The following HSP90AA1 variants were observed in gnomAD, a reference collection of about 807,000 sequenced individuals.
HSP90AA1 encodes the protein heat shock protein HSP 90-alpha.
A neutral mutation model predicts 73.3 loss-of-function variants in HSP90AA1; 18 were observed. The ratio of observed to expected loss-of-function variants is 0.25; its 90% CI spans 0.17 to 0.36. The LOEUF (loss-of-function observed/expected upper bound fraction) is 0.36, where lower values mean the gene tolerates loss of function less well. Ranked by LOEUF, HSP90AA1 falls within the 10% of genes least tolerant of loss-of-function variation. HSP90AA1 has a pLI of 1.00. For synonymous variants in HSP90AA1, 477 were observed against 296.9 expected (o/e 1.61, Z -6.24); for missense variants, 704 against 874.2 (o/e 0.81, Z 2.45).
upstream of HSP90AA1, among the ~76,000 whole-genome samples, chr14:102,088,809 A>T (rs565680525): frequency 4.6e-5 from 7 of 152,212 alleles, no homozygotes; most frequent in East Asian, 1.4e-3. Context: ...CCTCACTTGT[A>T]GGAACTTTTC....
upstream of HSP90AA1, among the ~76,000 whole-genome samples, chr14:102,090,035 C>T (rs567305103): frequency 1.4e-4 from 21 of 152,240 alleles, no homozygotes; most frequent in East Asian, 2.9e-3. Context: ...TCCCATCCTT[C>T]TAGGAGGAAG....
intron 2 of HSP90AA1, among the ~76,000 whole-genome samples, chr14:102,101,030 G>A (rs911810712): frequency 2.0e-5 from 3 of 152,116 alleles, no homozygotes; most frequent in East Asian, 1.9e-4. Flanking sequence ...ACCACGTGCT[G>A]GACACAGCCG....
chr14:102,083,665 C>T lies in HSP90AA1; in HGVS notation c.1367G>A (p.Arg456Gln). 1 of 1,612,884 alleles carries T rather than the reference C, an allele frequency of 6.2e-7. No individual in the cohort carries two copies. Among genetic ancestry groups the T allele is most frequent in the Non-Finnish European group, 8.5e-7 (1 of 1,179,646 alleles). ...KLGIHEDSQN[R>Q]KKLSELLRYY... ...CCTTAACAGCTCTGAAAGCTTCTTC[C>T]GATTTTGAGAGTCTTCGTGTATTCC... The change falls in exon 8 of 11, where the codon CGG becomes CAG. Residue 456 changes from arginine (R) to glutamine (Q), a missense_variant. Arg to Gln is a conservative substitution (Grantham distance 43). Coordinates refer to ENST00000216281, the MANE Select transcript of HSP90AA1 (RefSeq NM_005348.4).
chr14:102,138,672 G>A (rs1203262374), intron 1 of HSP90AA1, among the ~76,000 whole-genome samples: 2 of 151,946 alleles, frequency 1.3e-5, no homozygotes, highest in Non-Finnish European at 2.9e-5. Context: ...CTTCTTTTGT[G>A]CCCCTCCAGA....
chr14:102,139,192 C>T (rs1595692240), intron 1 of HSP90AA1: 4 of 1,596,770 alleles, frequency 2.5e-6, no homozygotes, highest in South Asian at 1.1e-5. Flanking sequence ...ATTCTTCTCT[C>T]CCCCTACCCC....
In HSP90AA1 at chr14:102,120,853, G is replaced by A. The variant is rs145078791; in HGVS notation, c.155+18397C>T. Among the ~76,000 whole-genome samples the A allele has an allele frequency of 1.6e-4, 25 of 151,806 alleles. 1 individual carries two copies. The East Asian group carries it at 2.7e-3, about 17-fold the overall frequency. On this transcript the variant is annotated intron_variant, in intron 1 of 11. Transcript: ENST00000334701. The stretch of plus-strand genomic sequence containing the variant: ...CTCAGGAGGCAGAGGCAGGAGGATC[G>A]CTTGAACTCAGGAGGTGGAAGTTGC...
upstream of HSP90AA1, among the ~76,000 whole-genome samples, chr14:102,089,518 T>G (rs550803378): frequency 2.0e-5 from 3 of 152,200 alleles, no homozygotes; most frequent in Non-Finnish European, 4.4e-5. Context: ...GGCTGTTCCT[T>G]CTCTCTTCTC....
chr14:102,083,847 C>T lies in HSP90AA1; in HGVS notation c.1284G>A (p.Ala428=), dbSNP rs113261380. Residue 428 remains alanine (A), a synonymous_variant, in exon 7 of 11, where the codon GCG becomes GCA. Coordinates refer to ENST00000216281, the MANE Select transcript of HSP90AA1 (RefSeq NM_005348.4). ...ATTTCTTGTAGTTCTCTTTATCTTC[C>T]GCCAGTTCAGTAAAGAGTTCTAAGC... ...KKCLELFTEL[A]EDKENYKKFY... is the part of the protein sequence containing the mutation. 2.2e-3 allele frequency: 3,540 copies of T among 1,613,714 alleles called. 64 individuals carry two copies. In the African/African-American group the frequency reaches 0.038, roughly 17 times the overall value.
Position 102,083,126 on chromosome 14 carries a change from C to T in HSP90AA1, c.1663G>A (p.Glu555Lys). The T allele has an allele frequency of 1.9e-6, 3 of 1,613,912 alleles. No homozygotes were observed. Among genetic ancestry groups the T allele is most frequent in the Non-Finnish European group, 1.7e-6 (2 of 1,179,848 alleles). ...TCTTCCTGCTTCTTTTTCTCTTCTT[C>T]ATCCTCTGGAAGTTCCAGGCCTTCT... ...TKEGLELPED[E>K]EEKKKQEEKK... The change falls in exon 9 of 11, where the codon GAA (glutamate) becomes AAA (lysine). Residue 555 changes from glutamate (E) to lysine (K), a missense_variant. Transcript: ENST00000216281.
At chr14:102,099,341 C>T (rs2049464556) in intron 2 of HSP90AA1, among the ~76,000 whole-genome samples, 1 of 152,068 alleles carries the variant, frequency 6.6e-6, no homozygotes, top group Non-Finnish European at 1.5e-5. Context: ...TGCAGATCAC[C>T]TGAGGTCAAG....
chr14:102,087,776 A>C (rs956742298), upstream of HSP90AA1, among the ~76,000 whole-genome samples: 4 of 152,098 alleles, frequency 2.6e-5, no homozygotes, highest in African/African-American at 9.7e-5. Context: ...TTCATACTTA[A>C]GGGTCCCTTA....
chr14:102,108,263 CAAAAAAAA>C (rs34157305), intron 1 of HSP90AA1, among the ~76,000 whole-genome samples: 6 of 79,902 alleles, frequency 7.5e-5, no homozygotes, highest in East Asian at 3.7e-4. Flanking sequence ...ACCTTGTCTC[CAAAAAAAA>C]AAAAAAAAAA....
intron 1 of HSP90AA1, among the ~76,000 whole-genome samples, chr14:102,136,403 C>T (rs1411690377): frequency 1.3e-5 from 2 of 151,074 alleles, no homozygotes; most frequent in East Asian, 3.9e-4. Flanking sequence ...CCCGTCTCTG[C>T]TAAAAATACA....
In HSP90AA1 at chr14:102,083,730, AT is replaced by A. The variant is rs763315875; in HGVS notation, c.1339-38del. On this transcript the variant is annotated intron_variant, in intron 7 of 10. Coordinates refer to ENST00000216281, the MANE Select transcript of HSP90AA1 (RefSeq NM_005348.4). ...TATGTTCTTTACAAAGACTTTCTGA[AT>A]TAAAAAAAAAAAAAAAAAACTAAAG... is the stretch of plus-strand genomic sequence containing the variant. 83 of 1,491,548 alleles carry A rather than the reference AT, an allele frequency of 5.6e-5. 1 individual carries two copies. The highest frequency in any genetic ancestry group is 1.7e-4 in the Middle Eastern group (1 of 5,802). 92.4% of individuals were successfully genotyped at this position (1,491,548 alleles called of 1,614,324 possible).
intron 1 of HSP90AA1, among the ~76,000 whole-genome samples, chr14:102,131,225 G>T (rs1456247820): frequency 1.3e-5 from 2 of 152,098 alleles, no homozygotes; most frequent in Non-Finnish European, 1.5e-5. Flanking sequence ...TCTGTTAATG[G>T]CATTTCCATC....
chr14:102,080,926 G>C lies in HSP90AA1; in HGVS notation c.*786C>G, dbSNP rs1452055796. 4.4e-6 allele frequency: 1 copy of C among 228,402 alleles called. No homozygotes were observed. Among genetic ancestry groups the C allele is most frequent in the Non-Finnish European group, 8.7e-6 (1 of 115,010 alleles). 14.1% of individuals were successfully genotyped at this position (228,402 alleles called of 1,614,324 possible). A position where few individuals can be genotyped will look rare whatever the true frequency, so the allele number is the denominator to read the frequency against. ...GCTGAGTACATGCTGGGAAGACCAT[G>C]TCAACCCTTGGAGCAGCTAGTGTTT... On this transcript the variant is annotated 3_prime_UTR_variant, in exon 11 of 11. Transcript: ENST00000216281.
At chr14:102,103,881 G>A (rs1265545282) in intron 1 of HSP90AA1, among the ~76,000 whole-genome samples, 2 of 151,906 alleles carry the variant, frequency 1.3e-5, no homozygotes, top group African/African-American at 4.8e-5. Flanking sequence ...GTGTGCACCT[G>A]TGGTCTCAGC....
intron 1 of HSP90AA1, among the ~76,000 whole-genome samples, chr14:102,128,931 C>G (rs953984887): frequency 6.6e-6 from 1 of 152,130 alleles, no homozygotes; most frequent in Admixed American, 6.6e-5. Flanking sequence ...TTATGCCTTA[C>G]GGTGATTCCC....
intron 1 of HSP90AA1, among the ~76,000 whole-genome samples, chr14:102,111,607 G>A (rs2049643620): frequency 6.6e-6 from 1 of 152,206 alleles, no homozygotes; most frequent in African/African-American, 2.4e-5. Flanking sequence ...CACAAAGAGG[G>A]TAAATTGAAA....
Sources: gnomAD v4.1 joint callset for allele counts (sites outside exome capture counted in the v4.1 genomes callset) on GRCh38, gnomAD v4.1.1 for gene constraint, MANE v1.5 for transcripts, NCBI Gene and HGNC (gene_info 2026-07-23, HGNC 2026-07-21) for gene names.